GCNT1: variants seen among roughly 807,000 people sequenced by gnomAD.
The protein encoded by GCNT1 is glucosaminyl (N-acetyl) transferase 1, also known as beta-1,3-galactosyl-O-glycosyl-glycoprotein beta-1,6-N-acetylglucosaminyltransferase.
A neutral mutation model predicts 26.2 loss-of-function variants in GCNT1; 16 were observed. The ratio of observed to expected loss-of-function variants is 0.61; its 90% CI spans 0.41 to 0.93. The LOEUF (loss-of-function observed/expected upper bound fraction) is 0.93, where lower values mean the gene tolerates loss of function less well. GCNT1 is among the 40% of genes least tolerant of loss of function. The pLI is 0.00. For synonymous variants in GCNT1, 183 were observed against 190.8 expected (o/e 0.96, Z 0.34); for missense variants, 477 against 526.7 (o/e 0.91, Z 0.92).
At chr9:76,452,408 CTTATA>C (rs1292891377) in intron 1 of GCNT1, among the ~76,000 whole-genome samples, 2 of 152,102 alleles carry the variant, frequency 1.3e-5, no homozygotes, top group Non-Finnish European at 2.9e-5. Context: ...GATCTAGGTA[CTTATA>C]TTAGACCATT....
At position 76,429,634 on chromosome 9, in the gene GCNT1, C is replaced by T. The variant is rs150239644; in HGVS notation, n.38+9747C>T. On this transcript the variant is annotated intron_variant and non_coding_transcript_variant, in intron 1 of 3. Coordinates refer to the GCNT1 transcript ENST00000488136. ...TTTAGGAGGCTAGGTCCAGCTTGCT[C>T]ACATACAAGCAGAAAGATTCTTGCC... is the stretch of plus-strand genomic sequence containing the variant. Among the ~76,000 whole-genome samples the T allele has an allele frequency of 2.6e-3, 398 of 151,788 alleles. 1 individual carries two copies. Among genetic ancestry groups the T allele is most frequent in the African/African-American group, 9.3e-3 (385 of 41,410 alleles).
chr9:76,394,188 G>T, the GCNT1 span: 1 of 1,582,034 alleles, frequency 6.3e-7, no homozygotes, highest in South Asian at 1.2e-5. Context: ...GTCCGCTCGG[G>T]GAATGGGCTG....
At chr9:76,401,948 A>G in the GCNT1 span, among the ~76,000 whole-genome samples, 2 of 152,234 alleles carry the variant, frequency 1.3e-5, no homozygotes, top group Admixed American at 6.5e-5. Flanking sequence ...AAGACAGAGG[A>G]AAAGAACTTT....
At chr9:76,422,576 C>T (rs1436830674) in intron 1 of GCNT1, among the ~76,000 whole-genome samples, 2 of 152,072 alleles carry the variant, frequency 1.3e-5, no homozygotes, top group African/African-American at 4.8e-5. Flanking sequence ...CAGGGTTTTG[C>T]TCTATCACCC....
At position 76,502,722 on chromosome 9, in the gene GCNT1, T is replaced by G; in HGVS notation, c.341T>G (p.Leu114Arg). Residue 114 changes from leucine (L) to arginine (R), a missense_variant, in exon 4 of 4, where the codon CTT becomes CGT. Physicochemically the swap from Leu to Arg is moderately radical, Grantham distance 102. Transcript: ENST00000376730. ...AGACGCAAATATATTGTAGAACCCC[T>G]TAGTAAAGAAGAGGCGGAGTTTCCA... ...IKRRKYIVEP[L>R]SKEEAEFPIA... is the part of the protein sequence containing the mutation. 5.0e-6 allele frequency: 8 copies of G among 1,614,064 alleles called. No homozygotes were observed. Among genetic ancestry groups the G allele is most frequent in the Non-Finnish European group, 6.8e-6 (8 of 1,179,898 alleles).
intron 2 of GCNT1, among the ~76,000 whole-genome samples, chr9:76,500,481 G>A (rs902585846): frequency 4.6e-5 from 7 of 152,148 alleles, no homozygotes; most frequent in African/African-American, 1.7e-4. Flanking sequence ...TCTGATAGAG[G>A]TGTGGAGTGG....
chr9:76,473,789 A>C (rs910696525), intron 2 of GCNT1, among the ~76,000 whole-genome samples: 1 of 152,208 alleles, frequency 6.6e-6, no homozygotes, highest in Non-Finnish European at 1.5e-5. Context: ...TCTGTGTCTC[A>C]GATGTAAACA....
At chr9:76,403,598 C>T in the GCNT1 span, among the ~76,000 whole-genome samples, 3 of 152,158 alleles carry the variant, frequency 2.0e-5, no homozygotes, top group Non-Finnish European at 2.9e-5. Context: ...GTGCTAGACA[C>T]GGGAGGATTC....
At chr9:76,447,218 C>A (rs963360245) in intron 1 of GCNT1, among the ~76,000 whole-genome samples, 4 of 133,972 alleles carry the variant, frequency 3.0e-5, no homozygotes, top group African/African-American at 5.4e-5. Context: ...TGCTGAATTG[C>A]TTCTTCCTTT....
chr9:76,485,353 T>C (rs1045942181), intron 2 of GCNT1, among the ~76,000 whole-genome samples: 2 of 152,048 alleles, frequency 1.3e-5, no homozygotes, highest in East Asian at 3.9e-4. Context: ...TTTGTGTTTT[T>C]AGTAGAGACA....
At chr9:76,404,668 G>A in the GCNT1 span, among the ~76,000 whole-genome samples, 7 of 152,124 alleles carry the variant, frequency 4.6e-5, no homozygotes, top group East Asian at 1.2e-3. Context: ...CATGATATAA[G>A]TCCAGCTACC....
intron 2 of GCNT1, among the ~76,000 whole-genome samples, chr9:76,461,038 A>G (rs1823860415): frequency 6.6e-6 from 1 of 152,144 alleles, no homozygotes; most frequent in African/African-American, 2.4e-5. Flanking sequence ...GGGATCACAA[A>G]ATCCACTTTA....
chr9:76,463,137 T>G (rs1270763114), intron 2 of GCNT1, among the ~76,000 whole-genome samples: 1 of 152,228 alleles, frequency 6.6e-6, no homozygotes, highest in African/African-American at 2.4e-5. Context: ...GACTTACATG[T>G]GCTCAGGGAG....
At chr9:76,398,450 C>A in the GCNT1 span, among the ~76,000 whole-genome samples, 1 of 152,212 alleles carries the variant, frequency 6.6e-6, no homozygotes, top group African/African-American at 2.4e-5. Context: ...GCAACAGGAA[C>A]TTTCATTCAT....
At chr9:76,394,514 G>T in the GCNT1 span, 1 of 209,384 alleles carries the variant, frequency 4.8e-6, no homozygotes, top group South Asian at 8.7e-5. Context: ...TTCCTCAGCC[G>T]AACGCCTCGA....
At chr9:76,485,205 C>T (rs977065394) in intron 2 of GCNT1, among the ~76,000 whole-genome samples, 2 of 152,162 alleles carry the variant, frequency 1.3e-5, no homozygotes, top group African/African-American at 4.8e-5. Context: ...TGGAGTCTCA[C>T]TCCGTCACCC....
At chr9:76,468,684 A>G (rs1170830518) in intron 2 of GCNT1, among the ~76,000 whole-genome samples, 2 of 152,186 alleles carry the variant, frequency 1.3e-5, no homozygotes, top group Admixed American at 1.3e-4. Flanking sequence ...TCTTTAGCAG[A>G]AAGATGGGGT....
Position 76,468,353 on chromosome 9 carries a change from A to G in GCNT1, c.-290+8176A>G, listed in dbSNP as rs1214869334. Among the ~76,000 whole-genome samples, 6 of 152,140 alleles carry G rather than the reference A, an allele frequency of 3.9e-5. No individual in the cohort carries two copies. In the East Asian group the frequency reaches 1.2e-3, roughly 29 times the overall value. On this transcript the variant is annotated intron_variant, in intron 2 of 3. Coordinates refer to ENST00000376730, the MANE Select transcript of GCNT1 (RefSeq NM_001490.5). ...CTATAGAGTGTCATCGAGTTGTTTA[A>G]TTTTAGAAACACAAAGGCTTTAAAT...
intron 1 of GCNT1, among the ~76,000 whole-genome samples, chr9:76,435,951 C>CTT (rs398046579): frequency 0.023 from 2,536 of 111,952 alleles, 96 homozygotes; most frequent in Non-Finnish European, 0.033. Context: ...GTTCCCATAT[C>CTT]TTTTTTTTTT....
Sources: gnomAD v4.1 joint callset for allele counts (sites outside exome capture counted in the v4.1 genomes callset) on GRCh38, gnomAD v4.1.1 for gene constraint, MANE v1.5 for transcripts, NCBI Gene and HGNC (gene_info 2026-07-23, HGNC 2026-07-21) for gene names.